PTPRD: variants seen among roughly 807,000 people sequenced by gnomAD.
PTPRD encodes the protein receptor-type tyrosine-protein phosphatase delta.
Under a neutral mutation model 214.5 loss-of-function variants are expected in PTPRD, and 34 were observed. The observed-to-expected ratio is 0.16, with a 90% CI of 0.12 to 0.21. The LOEUF (loss-of-function observed/expected upper bound fraction) is 0.21, where lower values mean the gene tolerates loss of function less well. Ranked by LOEUF, PTPRD falls within the 10% of genes least tolerant of loss-of-function variation. PTPRD has a pLI of 1.00. For missense variants in PTPRD, 2,545 were observed against 2,398.7 expected, an observed-to-expected ratio of 1.06 and a Z score of -1.27; for synonymous variants, 1,128 against 845.7, an observed-to-expected ratio of 1.33 and a Z score of -5.79.
chr9:8,610,171 T>C lies in PTPRD; in HGVS notation c.352+23146A>G, dbSNP rs140458960. ...TTATCATCATCATTATTATTTGTTGTTGTGCAAACACTGCTCTTTCTGAAC... is the reference window on the plus strand; with the variant it reads ...TTATCATCATCATTATTATTTGTTGCTGTGCAAACACTGCTCTTTCTGAAC... On this transcript the variant is annotated intron_variant, in intron 14 of 45. Coordinates refer to ENST00000381196, the MANE Select transcript of PTPRD (RefSeq NM_002839.4). Among the ~76,000 whole-genome samples, 4 of 152,336 alleles carry C rather than the reference T, an allele frequency of 2.6e-5. No individual in the cohort carries two copies. In the East Asian group the frequency reaches 7.7e-4, roughly 29 times the overall value.
At chr9:10,381,769 G>T (rs1169168617) in intron 2 of PTPRD, among the ~76,000 whole-genome samples, 8 of 151,920 alleles carry the variant, frequency 5.3e-5, no homozygotes, top group Admixed American at 5.3e-4. Context: ...TGTAGCACTA[G>T]TGTGGAGGAA....
chr9:9,928,746 C>T (rs1410672376), intron 5 of PTPRD, among the ~76,000 whole-genome samples: 2 of 107,016 alleles, frequency 1.9e-5, no homozygotes, highest in South Asian at 2.7e-4. Context: ...TAGCAGTCAT[C>T]TCTCTCTCTA....
At chr9:10,288,144 G>T (rs2095419614) in intron 3 of PTPRD, among the ~76,000 whole-genome samples, 1 of 109,252 alleles carries the variant, frequency 9.2e-6, no homozygotes. Flanking sequence ...AGAATCAACT[G>T]CAGAAAAAAT....
intron 35 of PTPRD, among the ~76,000 whole-genome samples, chr9:8,432,418 T>C (rs369048115): frequency 2.0e-5 from 3 of 152,212 alleles, no homozygotes; most frequent in East Asian, 1.9e-4. Flanking sequence ...CTAATAATAC[T>C]GTGCTACAAT....
intron 10 of PTPRD, among the ~76,000 whole-genome samples, chr9:9,019,869 T>A (rs1274500975): frequency 6.6e-6 from 1 of 152,226 alleles, no homozygotes; most frequent in African/African-American, 2.4e-5. Context: ...GTGATTTTCA[T>A]TGAACTTGTT....
intron 10 of PTPRD, among the ~76,000 whole-genome samples, chr9:9,166,401 A>C (rs963089399): frequency 2.0e-5 from 3 of 152,006 alleles, no homozygotes; most frequent in Admixed American, 2.0e-4. Flanking sequence ...TGCAGCCTCT[A>C]GGCTCCTAGC....
At chr9:9,517,254 A>G (rs1464118995) in intron 8 of PTPRD, among the ~76,000 whole-genome samples, 1 of 152,126 alleles carries the variant, frequency 6.6e-6, no homozygotes, top group Non-Finnish European at 1.5e-5. Context: ...ATAGTTAGAA[A>G]CAAGAGACAA....
chr9:9,639,406 G>C (rs2095867281), intron 7 of PTPRD, among the ~76,000 whole-genome samples: 1 of 151,992 alleles, frequency 6.6e-6, no homozygotes. Flanking sequence ...TTTTAGCTTT[G>C]GATTATTCTT....
chr9:8,624,294 C>G (rs1045368442), intron 14 of PTPRD, among the ~76,000 whole-genome samples: 8 of 151,928 alleles, frequency 5.3e-5, no homozygotes, highest in Non-Finnish European at 7.4e-5. Flanking sequence ...TTCAAAATAA[C>G]TTGGTAATAC....
At chr9:9,556,385 C>G (rs564501472) in intron 8 of PTPRD, among the ~76,000 whole-genome samples, 1 of 151,910 alleles carries the variant, frequency 6.6e-6, no homozygotes, top group Admixed American at 6.6e-5. Flanking sequence ...GAAGGAGGCA[C>G]GTTTGGTGTA....
chr9:10,134,371 A>G (rs533922134), intron 3 of PTPRD, among the ~76,000 whole-genome samples: 1 of 152,278 alleles, frequency 6.6e-6, no homozygotes, highest in South Asian at 2.1e-4. Flanking sequence ...GAATGAACTT[A>G]ATAAGGGGTT....
Position 9,355,765 on chromosome 9 carries a change from T to C in PTPRD, c.-203+41684A>G, listed in dbSNP as rs2053527439. ...AAACACAAGGGAGAGAATCAAGGTA[T>C]AAAATAGAAGGGTACTAATGACTGA... On this transcript the variant is annotated intron_variant, in intron 9 of 45. Transcript: ENST00000381196. Among the ~76,000 whole-genome samples, 10 of 151,526 alleles carry C rather than the reference T, an allele frequency of 6.6e-5. No individual in the cohort carries two copies. In the South Asian group the frequency reaches 2.1e-3, roughly 31 times the overall value.
chr9:10,421,249 C>T (rs1488539814), intron 2 of PTPRD, among the ~76,000 whole-genome samples: 2 of 151,816 alleles, frequency 1.3e-5, no homozygotes, highest in East Asian at 3.9e-4. Context: ...GCTAGGTGCA[C>T]ATGCCACTTA....
intron 5 of PTPRD, among the ~76,000 whole-genome samples, chr9:9,811,742 C>A (rs540905705): frequency 6.6e-6 from 1 of 152,132 alleles, no homozygotes; most frequent in Non-Finnish European, 1.5e-5. Context: ...TGCAGTGGAA[C>A]CTACTCCTGA....
intron 8 of PTPRD, among the ~76,000 whole-genome samples, chr9:9,440,546 A>C (rs561810757): frequency 6.6e-6 from 1 of 152,350 alleles, no homozygotes; most frequent in Admixed American, 6.5e-5. Flanking sequence ...AGTGTGGTCC[A>C]TAACAGTTGT....
chr9:8,330,486 GGTATGCCTGT>G (rs1210611440), intron 44 of PTPRD, among the ~76,000 whole-genome samples: 1 of 152,108 alleles, frequency 6.6e-6, no homozygotes, highest in Non-Finnish European at 1.5e-5. Flanking sequence ...ACGTCTCTGA[GGTATGCCTGT>G]ATTTGATTCC....
At chr9:9,825,049 G>A in intron 5 of PTPRD, among the ~76,000 whole-genome samples, 1 of 151,888 alleles carries the variant, frequency 6.6e-6, no homozygotes, top group Non-Finnish European at 1.5e-5. Context: ...TTTATGCTCA[G>A]TTCCTAAATC....
intron 7 of PTPRD, among the ~76,000 whole-genome samples, chr9:9,631,028 G>A (rs970410391): frequency 3.3e-5 from 5 of 151,990 alleles, no homozygotes; most frequent in Non-Finnish European, 7.4e-5. Context: ...CTATAAAGAG[G>A]TAGGCATGAC....
rs201427301 is a variant in PTPRD, at chr9:9,801,327, TA to T, written c.-367-34477del. On this transcript the variant is annotated intron_variant, in intron 5 of 45. Coordinates refer to ENST00000381196, the MANE Select transcript of PTPRD (RefSeq NM_002839.4). Reference sequence around the variant, plus strand: ...TATGCTGTATCAGGTATAAGCAAGCTAAAGAGGATTAAAAAAAAAAAAGTAA... The same window carrying T: ...TATGCTGTATCAGGTATAAGCAAGCTAAGAGGATTAAAAAAAAAAAAGTAA... Among the ~76,000 whole-genome samples, 974 of 102,098 alleles carry T rather than the reference TA, an allele frequency of 9.5e-3. 40 individuals are homozygous for T. The highest frequency in any genetic ancestry group is 0.088 in the Admixed American group (911 of 10,378). The allele number at this position is 102,098 out of a possible 152,430, so 67.0% of individuals were successfully genotyped here. A position where few individuals can be genotyped will look rare whatever the true frequency, so the allele number is the denominator to read the frequency against.
Sources: gnomAD v4.1 joint callset for allele counts (sites outside exome capture counted in the v4.1 genomes callset) on GRCh38, gnomAD v4.1.1 for gene constraint, MANE v1.5 for transcripts, NCBI Gene and HGNC (gene_info 2026-07-23, HGNC 2026-07-21) for gene names.